The following ZMYM1 variants were observed in gnomAD, a reference collection of about 807,000 sequenced individuals.
ZMYM1 encodes the protein zinc finger MYM-type containing 1.
In ZMYM1, 39 loss-of-function variants were observed where a neutral mutation model predicts 60.0. The observed-to-expected ratio is 0.65, with a 90% CI of 0.50 to 0.85. ZMYM1 has a LOEUF of 0.85. Among genes scored for constraint, ZMYM1 ranks in the 40% least tolerant of loss-of-function variants. The pLI is 0.00. For synonymous variants in ZMYM1, 413 were observed against 454.0 expected, an observed-to-expected ratio of 0.91 and a Z score of 1.15; for missense variants, 1,171 against 1,309.5, an observed-to-expected ratio of 0.89 and a Z score of 1.63.
intron 7 of ZMYM1, among the ~76,000 whole-genome samples, chr1:35,110,650 G>A (rs1644057823): frequency 6.6e-6 from 1 of 152,040 alleles, no homozygotes; most frequent in South Asian, 2.1e-4. Context: ...ATATTTGTAG[G>A]CCAAGCACGG....
intron 6 of ZMYM1, among the ~76,000 whole-genome samples, chr1:35,105,126 CTTTTTTTTT>C (rs1029051953): frequency 1.0e-5 from 1 of 96,580 alleles, no homozygotes; most frequent in Non-Finnish European, 2.0e-5. Flanking sequence ...TTATTTCTTT[CTTTTTTTTT>C]TTTTTTTTTT....
chr1:35,085,919 A>G (rs1334084586), intron 1 of ZMYM1, among the ~76,000 whole-genome samples: 1 of 152,224 alleles, frequency 6.6e-6, no homozygotes, highest in East Asian at 1.9e-4. Context: ...GTTATAAATT[A>G]AGCTAACACA....
intron 1 of ZMYM1, among the ~76,000 whole-genome samples, chr1:35,063,793 T>G (rs1286068740): frequency 6.6e-6 from 1 of 152,194 alleles, no homozygotes; most frequent in Non-Finnish European, 1.5e-5. Context: ...TTGGACAAGT[T>G]TAGGTCACAT....
At chr1:35,073,317 AAAAG>A (rs1642102633) in intron 1 of ZMYM1, among the ~76,000 whole-genome samples, 1 of 122,782 alleles carries the variant, frequency 8.1e-6, no homozygotes, top group Non-Finnish European at 1.7e-5. Context: ...AAGGAAGAAA[AAAAG>A]AAAGGGAGAA....
chr1:35,061,722 G>A (rs1432222718), intron 1 of ZMYM1, among the ~76,000 whole-genome samples: 4 of 149,962 alleles, frequency 2.7e-5, no homozygotes, highest in Non-Finnish European at 5.9e-5. Context: ...CTTGCAGTGA[G>A]CCGAGATCAC....
At chr1:35,107,470 GAA>G (rs1324993843) in intron 6 of ZMYM1, among the ~76,000 whole-genome samples, 1 of 129,042 alleles carries the variant, frequency 7.7e-6, no homozygotes. Context: ...CTCTGTCTCA[GAA>G]AAAAAAAAAA....
chr1:35,062,934 GAGGTTTTACAC>G (rs936658383), intron 1 of ZMYM1, among the ~76,000 whole-genome samples: 1 of 152,116 alleles, frequency 6.6e-6, no homozygotes, highest in African/African-American at 2.4e-5. Flanking sequence ...CCAAATCACA[GAGGTTTTACAC>G]AACGGAAGTT....
intron 1 of ZMYM1, among the ~76,000 whole-genome samples, chr1:35,082,448 A>G (rs923572872): frequency 2.6e-5 from 4 of 151,110 alleles, no homozygotes; most frequent in Non-Finnish European, 4.4e-5. Flanking sequence ...CTCCTGCCTC[A>G]GCTTCCCGAG....
At chr1:35,111,258 T>C (rs1246942126) in intron 7 of ZMYM1, among the ~76,000 whole-genome samples, 2 of 152,184 alleles carry the variant, frequency 1.3e-5, no homozygotes, top group Admixed American at 6.5e-5. Context: ...AAAAGCCTCA[T>C]GTAGGACCAG....
rs540701018 is a variant in ZMYM1 at position 35,113,011 on chromosome 1, C to G, written c.1181C>G (p.Ala394Gly). The change falls in exon 10 of 10, where the codon GCT becomes GGT. Residue 394 changes from alanine to glycine, a missense_variant. Physicochemically the swap from Ala to Gly is moderately conservative, Grantham distance 60 (BLOSUM62 0). Coordinates refer to ENST00000359858, the MANE Select transcript of ZMYM1 (RefSeq NM_024772.5). Reference protein sequence around the residue: ...SKSSPSEPSNAVASSSTEQPS... With the variant: ...SKSSPSEPSNGVASSSTEQPS... ...AGTTCACCTAGTGAACCCAGTAATG[C>G]TGTTGCTAGTAGTAGTACGGAACAG... The G allele has an allele frequency of 3.7e-6, 6 of 1,601,216 alleles. No homozygotes were observed. The South Asian group carries it at 6.8e-5, about 18-fold the overall frequency.
chr1:35,071,452 C>T (rs1022811962), intron 1 of ZMYM1, among the ~76,000 whole-genome samples: 3 of 152,064 alleles, frequency 2.0e-5, no homozygotes, highest in Non-Finnish European at 4.4e-5. Context: ...TCCACCTCAG[C>T]CTCCTGAGTT....
chr1:35,074,856 T>TA (rs1642139493), upstream of ZMYM1, among the ~76,000 whole-genome samples: 3 of 182 alleles, frequency 0.016, no homozygotes, highest in Non-Finnish European at 0.056. Context: ...CACATATATA[T>TA]TTTTTTTTTT....
intron 1 of ZMYM1, among the ~76,000 whole-genome samples, chr1:35,089,343 T>C (rs547314721): frequency 4.6e-5 from 7 of 152,298 alleles, no homozygotes; most frequent in Middle Eastern, 3.4e-3. Context: ...TAATGACAAA[T>C]AGTTAATTTT....
intron 6 of ZMYM1, among the ~76,000 whole-genome samples, chr1:35,107,452 G>T (rs1306234811): frequency 1.5e-5 from 2 of 134,370 alleles, no homozygotes; most frequent in East Asian, 1.1e-3. Flanking sequence ...CTGGGCGACA[G>T]AGCGAGACTC....
intron 1 of ZMYM1, among the ~76,000 whole-genome samples, chr1:35,064,959 G>A (rs1304839617): frequency 1.3e-5 from 2 of 152,124 alleles, no homozygotes; most frequent in Admixed American, 6.6e-5. Flanking sequence ...ACAAGCGTGA[G>A]CCACTGCGCC....
chr1:35,078,401 A>G (rs1397585916), upstream of ZMYM1, among the ~76,000 whole-genome samples: 1 of 152,014 alleles, frequency 6.6e-6, no homozygotes, highest in African/African-American at 2.4e-5. Flanking sequence ...AACCTTATAT[A>G]TATATTTTAG....
Position 35,112,077 on chromosome 1 carries a change from A to T in ZMYM1, c.1103-10A>T. On this transcript the variant is annotated splice_polypyrimidine_tract_variant and intron_variant, in intron 8 of 9. Coordinates refer to ENST00000359858, the MANE Select transcript of ZMYM1 (RefSeq NM_024772.5). ...ATATAAGATCTTGAATTTATGCTCTATTTTAACAGATACAGTTTCTTCAGT... is the reference window on the plus strand; with the variant it reads ...ATATAAGATCTTGAATTTATGCTCTTTTTTAACAGATACAGTTTCTTCAGT... 1 of 1,612,396 alleles carries T rather than the reference A, an allele frequency of 6.2e-7. No homozygotes were observed. The highest frequency in any genetic ancestry group is 8.5e-7 in the Non-Finnish European group (1 of 1,179,232).
At chr1:35,060,593 G>A (rs558412917) in intron 1 of ZMYM1, among the ~76,000 whole-genome samples, 6 of 152,140 alleles carry the variant, frequency 3.9e-5, no homozygotes, top group Non-Finnish European at 7.4e-5. Context: ...GCAGGCAGAG[G>A]TAGCTCTCAG....
At chr1:35,110,634 G>T (rs1644057080) in intron 7 of ZMYM1, among the ~76,000 whole-genome samples, 187 bp downstream of exon 7, 1 of 151,960 alleles carries the variant, frequency 6.6e-6, no homozygotes, top group Non-Finnish European at 1.5e-5. Context: ...TACCACCAGA[G>T]ATTTAATATT....
Sources: allele counts gnomAD v4.1 joint callset (sites outside exome capture counted in the v4.1 genomes callset), GRCh38; gene constraint gnomAD v4.1.1; transcripts MANE v1.5; gene names NCBI Gene and HGNC (gene_info 2026-07-23, HGNC 2026-07-21).